Variants in TSPAN11 observed in about 807,000 individuals in gnomAD.
TSPAN11 encodes tetraspanin 11, also known as tetraspanin-11.
TSPAN11 carries 29 observed loss-of-function variants against 32.9 expected under a neutral mutation model. The ratio of observed to expected loss-of-function variants is 0.88; its 90% CI spans 0.66 to 1.20. TSPAN11 has a LOEUF of 1.20. TSPAN11 is among the 50% of genes most tolerant of loss of function. TSPAN11 has a pLI of 0.00. For synonymous variants in TSPAN11, 140 were observed against 141.3 expected (o/e 0.99, Z 0.07); for missense variants, 283 against 329.1 (o/e 0.86, Z 1.08).
chr12:30,938,591 G>A (rs1302641472), intron 1 of TSPAN11, among the ~76,000 whole-genome samples: 2 of 152,128 alleles, frequency 1.3e-5, no homozygotes, highest in African/African-American at 2.4e-5. Flanking sequence ...ACAATTCCAG[G>A]GGCAGCCATT....
intron 1 of TSPAN11, among the ~76,000 whole-genome samples, chr12:30,930,038 G>C (rs1234180984): frequency 6.6e-6 from 1 of 152,182 alleles, no homozygotes; most frequent in African/African-American, 2.4e-5. Context: ...ACTGTGGAGA[G>C]AAGGGTCGGG....
intron 1 of TSPAN11, among the ~76,000 whole-genome samples, chr12:30,929,877 G>A (rs1369889971): frequency 6.6e-6 from 1 of 152,226 alleles, no homozygotes; most frequent in East Asian, 1.9e-4. Context: ...CACAGCTGCT[G>A]TGTCCAACAC....
Position 30,967,129 on chromosome 12 carries a change from C to T in TSPAN11, c.276+3112C>T, listed in dbSNP as rs147000438. Among the ~76,000 whole-genome samples, 11 of 152,360 alleles carry T rather than the reference C, an allele frequency of 7.2e-5. No homozygotes were observed. The East Asian group carries it at 7.7e-4, about 11-fold the overall frequency. On this transcript the variant is annotated intron_variant, in intron 3 of 7. Transcript: ENST00000546076. ...AAGCCTAAGCTTTAGCACCTGACCA[C>T]GCTGTGCTCTCCAAGCCACTGATCA...
rs1938952292 is a variant in TSPAN11, at chr12:30,975,568, C to G, written c.277-2993C>G. ...GCCTGTTTGATGCCTCTGAACCAGC[C>G]TGTGCAGGGGTAGCATGTACTAATT... On this transcript the variant is annotated intron_variant, in intron 3 of 7. Transcript: ENST00000546076. The surrounding 1 kb of genome is among the most constrained non-coding windows in gnomAD (Gnocchi z 4.5). 6.6e-6 allele frequency among the ~76,000 whole-genome samples: 1 copy of G among 152,176 alleles called. No individual in the cohort carries two copies. The highest frequency in any genetic ancestry group is 1.5e-5 in the Non-Finnish European group (1 of 68,034).
Position 30,979,753 on chromosome 12 carries a change from A to G in TSPAN11, c.456+83A>G, listed in dbSNP as rs1592492450. 9.8e-6 allele frequency: 14 copies of G among 1,427,828 alleles called. No homozygotes were observed. The South Asian group carries it at 1.7e-4, about 17-fold the overall frequency. The allele number at this position is 1,427,828 out of a possible 1,614,324, so 88.4% of individuals were successfully genotyped here. On this transcript the variant is annotated intron_variant, in intron 5 of 7. Transcript: ENST00000546076. The stretch of plus-strand genomic sequence containing the variant: ...TGTTCTTTCCTTTCTGGGTGACCCT[A>G]GGCAAGTTACTTACCCTCTCTGAGC...
chr12:30,964,692 C>G (rs1314739439), intron 3 of TSPAN11, among the ~76,000 whole-genome samples: 1 of 152,170 alleles, frequency 6.6e-6, no homozygotes, highest in Non-Finnish European at 1.5e-5. Context: ...CTTAAGGACC[C>G]TCTTCTAGAA....
intron 7 of TSPAN11, among the ~76,000 whole-genome samples, chr12:30,984,699 C>T (rs1045043344): frequency 6.6e-6 from 1 of 151,772 alleles, no homozygotes; most frequent in Non-Finnish European, 1.5e-5. Context: ...GCTGGGATTA[C>T]AGGTGCCCAC....
At position 30,975,545 on chromosome 12, in the gene TSPAN11, C is replaced by T. The variant is rs975228741; in HGVS notation, c.277-3016C>T. ...CTGACCACTCCGCAGGTCAGATAGC[C>T]TGTTTGATGCCTCTGAACCAGCCTG... On this transcript the variant is annotated intron_variant, in intron 3 of 7. Transcript: ENST00000546076. This position sits in a 1 kb window ranked among gnomAD's most constrained non-coding sequence, Gnocchi z 4.5. Among the ~76,000 whole-genome samples the T allele has an allele frequency of 5.3e-5, 8 of 152,270 alleles. No homozygotes were observed. Among genetic ancestry groups the T allele is most frequent in the Admixed American group, 1.3e-4 (2 of 15,302 alleles).
At chr12:30,938,952 G>C (rs1420708456) in intron 1 of TSPAN11, among the ~76,000 whole-genome samples, 2 of 152,176 alleles carry the variant, frequency 1.3e-5, no homozygotes, top group Admixed American at 1.3e-4. Context: ...ACAGAAGCGG[G>C]CTGGTTGTGG....
At chr12:30,982,469 C>T in intron 5 of TSPAN11, 63 bp from the exon 6 acceptor site, 2 of 1,551,644 alleles carry the variant, frequency 1.3e-6, no homozygotes, top group African/African-American at 1.4e-5. Flanking sequence ...ATAATGTGTC[C>T]TGCAGCCTGG....
At chr12:30,935,183 A>C (rs1456476651) in intron 1 of TSPAN11, among the ~76,000 whole-genome samples, 2 of 152,076 alleles carry the variant, frequency 1.3e-5, no homozygotes, top group Non-Finnish European at 2.9e-5. Context: ...GCCTCATGCA[A>C]GATGTCTCCA....
At chr12:30,990,947 T>C (rs1235244465) in intron 7 of TSPAN11, among the ~76,000 whole-genome samples, 1 of 152,010 alleles carries the variant, frequency 6.6e-6, no homozygotes, top group Non-Finnish European at 1.5e-5. Context: ...ATAATCACAT[T>C]ACCCTCAATG....
Position 30,978,550 on chromosome 12 carries a change from T to C in TSPAN11, c.277-11T>C, listed in dbSNP as rs1304048881. The C allele has an allele frequency of 6.2e-7, 1 of 1,614,146 alleles. No homozygotes were observed. The highest frequency in any genetic ancestry group is 1.7e-5 in the Admixed American group (1 of 60,036). ...ATCCCAGTGGTGACCGTCCTCTCTC[T>C]TTGCTGCTAGTATTTCTGCCTGTTG... is the stretch of plus-strand genomic sequence containing the variant. On this transcript the variant is annotated splice_polypyrimidine_tract_variant and intron_variant, in intron 3 of 7. Coordinates refer to ENST00000546076, the MANE Select transcript of TSPAN11 (RefSeq NM_001370302.1).
At chr12:30,981,627 G>T (rs1171738763) in intron 5 of TSPAN11, among the ~76,000 whole-genome samples, 1 of 152,078 alleles carries the variant, frequency 6.6e-6, no homozygotes, top group African/African-American at 2.4e-5. Context: ...ATTGTTCCTG[G>T]CCCTGGACAG....
intron 7 of TSPAN11, among the ~76,000 whole-genome samples, chr12:30,989,141 C>T (rs1418144905): frequency 6.6e-6 from 1 of 152,142 alleles, no homozygotes; most frequent in Non-Finnish European, 1.5e-5. Context: ...GTCCCTTCTC[C>T]CAGGGAGATT....
the TSPAN11 span, among the ~76,000 whole-genome samples, chr12:31,002,240 C>T: frequency 6.6e-6 from 1 of 152,094 alleles, no homozygotes; most frequent in Admixed American, 6.5e-5. The surrounding 1 kb of genome is among the most constrained non-coding windows in gnomAD (Gnocchi z 4.8). Flanking sequence ...GAGGCTGATG[C>T]CTTGGGACAA....
chr12:30,960,125 G>C (rs1185750976), intron 2 of TSPAN11, among the ~76,000 whole-genome samples: 1 of 139,004 alleles, frequency 7.2e-6, no homozygotes, highest in African/African-American at 2.6e-5. Context: ...GGTGTCTGTG[G>C]GTGGGTGGGT....
Position 30,976,424 on chromosome 12 carries a change from G to T in TSPAN11, c.277-2137G>T, listed in dbSNP as rs117696369. Among the ~76,000 whole-genome samples, 874 of 152,218 alleles carry T rather than the reference G, an allele frequency of 5.7e-3. 15 individuals are homozygous for T. In the East Asian group the frequency reaches 0.065, roughly 11 times the overall value. On this transcript the variant is annotated intron_variant, in intron 3 of 7. Transcript: ENST00000546076. ...CCAGCTAGAGCCAGCATGTGGTGGA[G>T]CCTGGACCCAACCCAAGTCCACTGA...
the TSPAN11 span, among the ~76,000 whole-genome samples, chr12:31,007,731 CT>C: frequency 6.6e-6 from 1 of 152,188 alleles, no homozygotes; most frequent in Non-Finnish European, 1.5e-5. Context: ...AATGGGAAGA[CT>C]TTTTTGTTTA....
Sources: gnomAD v4.1 joint callset for allele counts (sites outside exome capture counted in the v4.1 genomes callset) on GRCh38, gnomAD v4.1.1 for gene constraint, Gnocchi (gnomAD v3.1) non-coding constraint, MANE v1.5 for transcripts, NCBI Gene and HGNC (gene_info 2026-07-23, HGNC 2026-07-21) for gene names.